Variants in TTC29 observed in about 807,000 individuals in gnomAD.
The protein encoded by TTC29 is tetratricopeptide repeat domain 29.
Under a neutral mutation model 58.1 loss-of-function variants are expected in TTC29, and 49 were observed. The observed-to-expected ratio is 0.84, with a 90% CI of 0.67 to 1.07. The LOEUF (loss-of-function observed/expected upper bound fraction) is 1.07. TTC29 is among the 50% of genes least tolerant of loss of function. TTC29 has a pLI of 0.00. For synonymous variants in TTC29, 209 were observed against 196.8 expected (o/e 1.06, Z -0.52); for missense variants, 582 against 555.6 (o/e 1.05, Z -0.48).
At chr4:146,856,627 C>A (rs1729872428) in intron 8 of TTC29, among the ~76,000 whole-genome samples, 3 of 150,786 alleles carry the variant, frequency 2.0e-5, no homozygotes, top group Admixed American at 1.3e-4. Flanking sequence ...ATGACAAATA[C>A]TATAATCAAG....
At chr4:146,728,010 G>A (rs540778214) in intron 11 of TTC29, among the ~76,000 whole-genome samples, 1 of 152,304 alleles carries the variant, frequency 6.6e-6, no homozygotes, top group Admixed American at 6.5e-5. Context: ...CATAGGGCCA[G>A]GTGCGATGGC....
At chr4:146,881,244 A>G (rs1319968937) in intron 6 of TTC29, among the ~76,000 whole-genome samples, 2 of 152,120 alleles carry the variant, frequency 1.3e-5, no homozygotes, top group African/African-American at 2.4e-5. Context: ...TTCCTTTTCT[A>G]TCGACTTGTA....
intron 4 of TTC29, among the ~76,000 whole-genome samples, chr4:146,928,626 A>G (rs1735100218): frequency 6.6e-6 from 1 of 152,220 alleles, no homozygotes; most frequent in Non-Finnish European, 1.5e-5. Context: ...TGCTCAGGTC[A>G]GTTCAGAAGG....
intron 11 of TTC29, among the ~76,000 whole-genome samples, chr4:146,771,592 A>C (rs1482014236): frequency 2.0e-5 from 3 of 152,092 alleles, no homozygotes; most frequent in Admixed American, 1.3e-4. Flanking sequence ...ACATGATCTC[A>C]TTCCTTTTCA....
At chr4:146,942,763 A>G (rs763457752) in intron 2 of TTC29, 309 of 679,232 alleles carry the variant, frequency 4.5e-4, no homozygotes, top group Non-Finnish European at 6.3e-4. Flanking sequence ...TAAATTTTAG[A>G]CTCTTTTCTA....
chr4:146,862,630 G>A (rs1482416338), intron 8 of TTC29, among the ~76,000 whole-genome samples: 4 of 152,184 alleles, frequency 2.6e-5, no homozygotes, highest in African/African-American at 4.8e-5. Flanking sequence ...CAAGTCTACA[G>A]TTCTGGGTGT....
chr4:146,777,782 A>G (rs1241085860), intron 11 of TTC29, among the ~76,000 whole-genome samples: 1 of 152,222 alleles, frequency 6.6e-6, no homozygotes, highest in Non-Finnish European at 1.5e-5. Flanking sequence ...TGAGTTATCA[A>G]ATTGGTAGAA....
At chr4:146,939,716 G>T in intron 3 of TTC29, 88 bp downstream of exon 3, 2 of 1,215,660 alleles carry the variant, frequency 1.6e-6, no homozygotes, top group South Asian at 1.5e-5. Flanking sequence ...CTCTTGAAAT[G>T]ATTTTATTTT....
intron 5 of TTC29, among the ~76,000 whole-genome samples, chr4:146,906,966 A>G (rs1384415581): frequency 6.6e-6 from 1 of 152,268 alleles, no homozygotes; most frequent in African/African-American, 2.4e-5. Context: ...TACTAAAAAT[A>G]CAAAAATTAG....
At chr4:146,941,569 A>G (rs756719406) in intron 2 of TTC29, among the ~76,000 whole-genome samples, 1 of 152,240 alleles carries the variant, frequency 6.6e-6, no homozygotes, top group Non-Finnish European at 1.5e-5. Flanking sequence ...GCAGAGCACT[A>G]GAAACTACCC....
chr4:146,890,354 G>T (rs1222625296), intron 6 of TTC29, among the ~76,000 whole-genome samples: 3 of 152,192 alleles, frequency 2.0e-5, no homozygotes, highest in African/African-American at 7.2e-5. Flanking sequence ...TAGGGTAGTA[G>T]TCCCATCTTA....
At chr4:146,756,269 T>TCAA (rs1746443560) in intron 11 of TTC29, among the ~76,000 whole-genome samples, 1 of 95,472 alleles carries the variant, frequency 1.0e-5, no homozygotes, top group Non-Finnish European at 2.0e-5. Flanking sequence ...AGACTCTGTC[T>TCAA]CAAAAAAAAA....
chr4:146,790,358 T>A (rs1423518950), intron 11 of TTC29, among the ~76,000 whole-genome samples: 1 of 151,990 alleles, frequency 6.6e-6, no homozygotes, highest in Non-Finnish European at 1.5e-5. Flanking sequence ...CTGGCTAAAT[T>A]TTGTATTTTT....
rs553616896 is a variant in TTC29, at chr4:146,864,480, C to A, written c.885+3018G>T. On this transcript the variant is annotated intron_variant, in intron 8 of 12. Transcript: ENST00000325106. ...TCTTTTAAAACTTTACATAAATTATCTCTTATTATCACCCTATGTATTAGT... is the reference window on the plus strand; with the variant it reads ...TCTTTTAAAACTTTACATAAATTATATCTTATTATCACCCTATGTATTAGT... 2.0e-5 allele frequency among the ~76,000 whole-genome samples: 3 copies of A among 152,272 alleles called. No individual in the cohort carries two copies. In the South Asian group the frequency reaches 6.2e-4, roughly 32 times the overall value.
chr4:146,867,872 A>G (rs1561203340), intron 7 of TTC29, among the ~76,000 whole-genome samples: 1 of 152,096 alleles, frequency 6.6e-6, no homozygotes, highest in Non-Finnish European at 1.5e-5. Context: ...TAGTTTATAA[A>G]GGGGTTTCCC....
intron 6 of TTC29, among the ~76,000 whole-genome samples, chr4:146,899,594 A>T (rs954963547): frequency 6.6e-6 from 1 of 152,140 alleles, no homozygotes; most frequent in Non-Finnish European, 1.5e-5. Context: ...CGCACACCAA[A>T]GACCCATTTT....
At chr4:146,731,504 AT>A (rs1267300117) in intron 11 of TTC29, among the ~76,000 whole-genome samples, 1 of 152,126 alleles carries the variant, frequency 6.6e-6, no homozygotes, top group Non-Finnish European at 1.5e-5. Context: ...AGAGAGTTGT[AT>A]TTAGCTAGTG....
intron 11 of TTC29, among the ~76,000 whole-genome samples, chr4:146,720,470 A>C (rs1433898030): frequency 6.6e-6 from 1 of 152,138 alleles, no homozygotes; most frequent in Non-Finnish European, 1.5e-5. Context: ...ATATCACAGA[A>C]TTTTTATGTT....
chr4:146,708,353 TATAC>T lies in TTC29; in HGVS notation c.1331-806_1331-803del, dbSNP rs1236664295. Among the ~76,000 whole-genome samples, 139 of 19,794 alleles carry T rather than the reference TATAC, an allele frequency of 7.0e-3. 6 individuals are homozygous for T. Among genetic ancestry groups the T allele is most frequent in the Admixed American group, 0.015 (19 of 1,280 alleles). The allele number at this position is 19,794 out of a possible 152,430, so 13.0% of individuals were successfully genotyped here. On this transcript the variant is annotated intron_variant, in intron 11 of 12. Transcript: ENST00000325106. ...ATATATATATATATATATATATATA[TATAC>T]ACATGTATGTGTGTGTATATATATA...
Sources: allele counts gnomAD v4.1 joint callset (sites outside exome capture counted in the v4.1 genomes callset), GRCh38; gene constraint gnomAD v4.1.1; transcripts MANE v1.5; gene names NCBI Gene and HGNC (gene_info 2026-07-23, HGNC 2026-07-21).